Variants in LZIC observed in about 807,000 individuals in gnomAD.
LZIC encodes the protein leucine zipper and CTNNBIP1 domain containing.
A neutral mutation model predicts 25.4 loss-of-function variants in LZIC; 28 were observed. The ratio of observed to expected loss-of-function variants is 1.10; its 90% CI spans 0.82 to 1.51. The LOEUF is 1.51. Ranked by LOEUF, LZIC falls within the 40% of genes most tolerant of loss-of-function variation. The probability of loss-of-function intolerance (pLI) is 0.00; values close to 1 mark genes in which losing one functional copy is unlikely to be tolerated. For synonymous variants in LZIC, 65 were observed against 70.7 expected (o/e 0.92, Z 0.40); for missense variants, 170 against 211.1 (o/e 0.81, Z 1.21).
In LZIC at chr1:9,926,905, A is replaced by G. The variant is rs1246606002; in HGVS notation, c.*3494T>C. Among the ~76,000 whole-genome samples, 1 of 152,240 alleles carries G rather than the reference A, an allele frequency of 6.6e-6. No homozygotes were observed. The highest frequency in any genetic ancestry group is 1.5e-5 in the Non-Finnish European group (1 of 68,044). On this transcript the variant is annotated 3_prime_UTR_variant, in exon 8 of 8. Transcript: ENST00000377223. ...TGCATAGAATTTACTCACTTTTCAAATACTTATTCTGAATGAATACCAAAT... is the reference window on the plus strand; with the variant it reads ...TGCATAGAATTTACTCACTTTTCAAGTACTTATTCTGAATGAATACCAAAT...
chr1:9,941,247 T>G (rs1640716833), intron 2 of LZIC, among the ~76,000 whole-genome samples: 1 of 151,974 alleles, frequency 6.6e-6, no homozygotes, highest in South Asian at 2.1e-4. Flanking sequence ...CCAGGTGGAG[T>G]GCAGTGGCAT....
chr1:9,924,762 AAAC>A (rs561104966), downstream of LZIC, among the ~76,000 whole-genome samples: 17 of 152,244 alleles, frequency 1.1e-4, 1 homozygote, highest in South Asian at 2.5e-3. Context: ...GTTGGGGAAA[AAAC>A]AACAACAACA....
rs1640232028 is a variant in LZIC at position 9,931,960 on chromosome 1, C to A, written c.445G>T (p.Asp149Tyr). The change falls in exon 7 of 8, where the codon GAT (aspartate) becomes TAT (tyrosine). Residue 149 changes from aspartate to tyrosine, a missense_variant. Physicochemically the swap from Asp to Tyr is radical, Grantham distance 160 (BLOSUM62 -3). Transcript: ENST00000377223. The part of the protein sequence containing the change: ...RKLGEKLTAD[D>Y]EAFLSANAGA... The stretch of plus-strand genomic sequence containing the variant: ...GCATTTGCTGACAAGAAGGCCTCAT[C>A]ATCTGCAGTCAGCTAAACAAAATGA... 2 of 1,613,240 alleles carry A rather than the reference C, an allele frequency of 1.2e-6. No homozygotes were observed. The highest frequency in any genetic ancestry group is 1.7e-6 in the Non-Finnish European group (2 of 1,179,636).
Position 9,928,345 on chromosome 1 carries a change from C to T in LZIC, c.*2054G>A, listed in dbSNP as rs1388571610. 6.6e-6 allele frequency among the ~76,000 whole-genome samples: 1 copy of T among 152,016 alleles called. No homozygotes were observed. The highest frequency in any genetic ancestry group is 6.6e-5 in the Admixed American group (1 of 15,254). On this transcript the variant is annotated 3_prime_UTR_variant, in exon 8 of 8. Transcript: ENST00000377223. ...AACGACAACAACAACAACACAACAA[C>T]AAACGCAGCAATTCCATTCCTAGGT...
chr1:9,924,139 G>A (rs1161746731), downstream of LZIC, among the ~76,000 whole-genome samples: 1 of 152,106 alleles, frequency 6.6e-6, no homozygotes, highest in East Asian at 1.9e-4. Context: ...ACCCGCCTCG[G>A]CCTCCCAAAG....
At chr1:9,941,177 TTTCG>T (rs137978085) in intron 2 of LZIC, among the ~76,000 whole-genome samples, 92,865 of 151,240 alleles carry the variant, frequency 0.61, 32,374 homozygotes, top group Non-Finnish European at 0.79. Context: ...CTTTTCTTTC[TTTCG>T]TTCGTTCGTT....
At chr1:9,922,356 G>A (rs1486638279), downstream of LZIC, 19 of 982,356 alleles carry the variant, frequency 1.9e-5, no homozygotes, top group Non-Finnish European at 2.2e-5. Context: ...CTTGGGGGCC[G>A]TCCTGGGGAG....
rs1328726895 is a variant in LZIC at position 9,936,085 on chromosome 1, C to T, written c.101+434G>A. Among the ~76,000 whole-genome samples, 10 of 150,402 alleles carry T rather than the reference C, an allele frequency of 6.6e-5. No homozygotes were observed. In the Admixed American group the frequency reaches 6.7e-4, roughly 10 times the overall value. On this transcript the variant is annotated intron_variant, in intron 3 of 7. Coordinates refer to ENST00000377223, the MANE Select transcript of LZIC (RefSeq NM_032368.5). ...CAGAAGTTGCAGTGGGCTGAGATCT[C>T]GCCACTGCACTCCAGCCTGGGCAAT...
chr1:9,938,708 T>G (rs1337850820), intron 2 of LZIC, among the ~76,000 whole-genome samples: 2 of 151,790 alleles, frequency 1.3e-5, no homozygotes, highest in Non-Finnish European at 2.9e-5. Flanking sequence ...AAATTTTATG[T>G]TTTTTTGTCA....
At chr1:9,930,578 A>T (rs1316483832) in intron 7 of LZIC, 121 bp from the exon 8 acceptor site, 74 of 1,396,612 alleles carry the variant, frequency 5.3e-5, no homozygotes, top group East Asian at 1.4e-4. Flanking sequence ...AGCCTCCATT[A>T]TCAGTGTATT....
intron 2 of LZIC, among the ~76,000 whole-genome samples, chr1:9,940,858 G>C (rs1389554006): frequency 1.3e-5 from 2 of 152,180 alleles, no homozygotes; most frequent in Non-Finnish European, 2.9e-5. Context: ...TAATAGTTTA[G>C]TGGATTTTTC....
At chr1:9,942,358 G>A (rs1366378137) in intron 2 of LZIC, among the ~76,000 whole-genome samples, 3 of 152,174 alleles carry the variant, frequency 2.0e-5, no homozygotes, top group Admixed American at 2.0e-4. Context: ...ACCTAATACA[G>A]AATAGAACGT....
chr1:9,929,235 TA>T lies in LZIC; in HGVS notation c.*1163del. ...AGGCATCAGTGTAGCGGAGGTCCTC[TA>T]ATCTGTCTGGTTGGCAAAGCACCTA... On this transcript the variant is annotated 3_prime_UTR_variant, in exon 8 of 8. Transcript: ENST00000377223. The T allele has an allele frequency of 1.2e-6, 1 of 858,852 alleles. No homozygotes were observed. Among genetic ancestry groups the T allele is most frequent in the Non-Finnish European group, 1.4e-6 (1 of 714,548 alleles). The allele number at this position is 858,852 out of a possible 1,614,324, so 53.2% of individuals were successfully genotyped here.
In LZIC at chr1:9,934,414, T is replaced by G. The variant is rs562798855; in HGVS notation, c.336+348A>C. Among the ~76,000 whole-genome samples the G allele has an allele frequency of 2.6e-5, 4 of 152,244 alleles. No homozygotes were observed. The South Asian group carries it at 8.3e-4, about 32-fold the overall frequency. On this transcript the variant is annotated intron_variant, in intron 5 of 7. Transcript: ENST00000377223. ...AAACAGACTTCTGGAAGTATCAGGTTTACAAAGATACTTGAAATTCTTAGA... is the reference window on the plus strand; with the variant it reads ...AAACAGACTTCTGGAAGTATCAGGTGTACAAAGATACTTGAAATTCTTAGA...
At chr1:9,933,833 A>G (rs906612715) in intron 5 of LZIC, among the ~76,000 whole-genome samples, 3 of 151,980 alleles carry the variant, frequency 2.0e-5, no homozygotes, top group African/African-American at 7.3e-5. Context: ...TGAGCCCAGG[A>G]GACAGAGGCT....
rs1169619487 is a variant in LZIC, at chr1:9,927,285, T to C, written c.*3114A>G. On this transcript the variant is annotated 3_prime_UTR_variant, in exon 8 of 8. Coordinates refer to ENST00000377223, the MANE Select transcript of LZIC (RefSeq NM_032368.5). ...ATAGAAAGTTTAAGGAAAACCAAGA[T>C]TAAGGATTCCAGATTCAGGTAACTC... is the stretch of plus-strand genomic sequence containing the variant. Among the ~76,000 whole-genome samples the C allele has an allele frequency of 6.6e-6, 1 of 152,192 alleles. No individual in the cohort carries two copies. Among genetic ancestry groups the C allele is most frequent in the East Asian group, 1.9e-4 (1 of 5,196 alleles).
In LZIC at chr1:9,929,191, CTCTTT is replaced by C. The variant is rs1315693718; in HGVS notation, c.*1203_*1207del. The C allele has an allele frequency of 1.9e-5, 9 of 463,920 alleles. No homozygotes were observed. The highest frequency in any genetic ancestry group is 1.9e-4 in the African/African-American group (9 of 47,236). 28.7% of individuals were successfully genotyped at this position (463,920 alleles called of 1,614,324 possible). A position where few individuals can be genotyped will look rare whatever the true frequency, so the allele number is the denominator to read the frequency against. ...GAATTTTATGATATATGAATTTCACCTCTTTTAAGTTCCAAATAAGGCATCAGTGT... is the reference window on the plus strand; with the variant it reads ...GAATTTTATGATATATGAATTTCACCTAAGTTCCAAATAAGGCATCAGTGT... On this transcript the variant is annotated 3_prime_UTR_variant, in exon 8 of 8. Transcript: ENST00000377223.
chr1:9,937,949 C>T (rs1190784475), intron 2 of LZIC, among the ~76,000 whole-genome samples: 1 of 142,498 alleles, frequency 7.0e-6, no homozygotes, highest in African/African-American at 2.6e-5. Context: ...ATAGTAATAA[C>T]ACCCCACAAA....
chr1:9,929,995 T>C lies in LZIC; in HGVS notation c.*404A>G. On this transcript the variant is annotated 3_prime_UTR_variant, in exon 8 of 8. Transcript: ENST00000377223. ...TTCTATGAACACTTATGAAGTCTATTGAGCTTGCGTCACTGTTCACTCCAA... is the reference window on the plus strand; with the variant it reads ...TTCTATGAACACTTATGAAGTCTATCGAGCTTGCGTCACTGTTCACTCCAA... 1.0e-6 allele frequency: 1 copy of C among 992,588 alleles called. No homozygotes were observed. Among genetic ancestry groups the C allele is most frequent in the Non-Finnish European group, 1.2e-6 (1 of 833,520 alleles). The allele number at this position is 992,588 out of a possible 1,614,324, so 61.5% of individuals were successfully genotyped here.
Sources: allele counts gnomAD v4.1 joint callset (sites outside exome capture counted in the v4.1 genomes callset), GRCh38; gene constraint gnomAD v4.1.1; transcripts MANE v1.5; gene names NCBI Gene and HGNC (gene_info 2026-07-23, HGNC 2026-07-21).